The following ZNF554 variants were observed in gnomAD, a reference collection of about 807,000 sequenced individuals.
ZNF554 encodes zinc finger protein 554.
ZNF554 carries 15 observed loss-of-function variants against 21.2 expected under a neutral mutation model. The observed-to-expected ratio is 0.71, with a 90% CI of 0.47 to 1.09. ZNF554 has a LOEUF of 1.09. Ranked by LOEUF, ZNF554 falls within the 50% of genes least tolerant of loss-of-function variation. ZNF554 has a pLI of 0.00. For missense variants in ZNF554, 691 were observed against 662.7 expected, an observed-to-expected ratio of 1.04 and a Z score of -0.47; for synonymous variants, 258 against 251.4, an observed-to-expected ratio of 1.03 and a Z score of -0.25.
chr19:2,833,704 CA>C lies in ZNF554; in HGVS notation c.471del (p.Asp158ThrfsTer17), dbSNP rs1377136485. 1 of 1,528,528 alleles carries C rather than the reference CA, an allele frequency of 6.5e-7. No homozygotes were observed. The highest frequency in any genetic ancestry group is 8.8e-7 in the Non-Finnish European group (1 of 1,138,838). The allele number at this position is 1,528,528 out of a possible 1,614,324, so 94.7% of individuals were successfully genotyped here. On this transcript the variant is annotated frameshift_variant, in exon 5 of 5. Coordinates refer to ENST00000317243, the MANE Select transcript of ZNF554 (RefSeq NM_001102651.2). LOFTEE classifies it low-confidence loss of function (END_TRUNC). ...AGATTGGATGACTGTACTAAGAAAC[CA>C]AGACTCAACTTACAAGAAGGTGGCT... ...CSDWMTVLRN[Q>X]DSTYKKVALQ...
At chr19:2,828,446 A>C (rs1433553825) in intron 3 of ZNF554, among the ~76,000 whole-genome samples, 1 of 152,152 alleles carries the variant, frequency 6.6e-6, no homozygotes. Context: ...TTATCCAAGC[A>C]CTTAGGGATC....
chr19:2,822,340 C>T (rs1260848702), intron 1 of ZNF554, among the ~76,000 whole-genome samples: 1 of 152,162 alleles, frequency 6.6e-6, no homozygotes, highest in Non-Finnish European at 1.5e-5. Flanking sequence ...TATGAGCCAC[C>T]ATACCCGAGC....
Position 2,834,773 on chromosome 19 carries a change from C to G in ZNF554, c.1538C>G (p.Thr513Ser). The G allele has an allele frequency of 6.2e-7, 1 of 1,613,048 alleles. No individual in the cohort carries two copies. The highest frequency in any genetic ancestry group is 1.3e-5 in the African/African-American group (1 of 75,040). The change falls in exon 5 of 5, where the codon ACT (threonine) becomes AGT (serine). Residue 513 changes from threonine (T) to serine (S), a missense_variant. Thr to Ser is a moderately conservative substitution (Grantham distance 58, BLOSUM62 1). Transcript: ENST00000317243. ...QSSSLVTHQK[T>S]HSSQKTYKII... is the part of the protein sequence containing the mutation. ...TCATCCCTTGTCACACATCAGAAAA[C>G]TCACAGCAGCCAGAAAACCTATAAA...
At chr19:2,830,085 C>T (rs1234833937) in intron 3 of ZNF554, among the ~76,000 whole-genome samples, 1 of 152,018 alleles carries the variant, frequency 6.6e-6, no homozygotes, top group East Asian at 1.9e-4. Context: ...CCACCATGCC[C>T]GGCTAATTTT....
rs2087475770 is a variant in ZNF554, at chr19:2,834,696, T to C, written c.1461T>C (p.Thr487=). 1 of 1,613,322 alleles carries C rather than the reference T, an allele frequency of 6.2e-7. No individual in the cohort carries two copies. Among genetic ancestry groups the C allele is most frequent in the South Asian group, 1.1e-5 (1 of 91,032 alleles). ...SSLVRHERTH[T]GEKPYRCQEC... is the part of the protein sequence containing the mutation. ...TTGTGAGGCACGAGAGAACTCACAC[T>C]GGAGAGAAACCCTACAGGTGTCAGG... The change falls in exon 5 of 5, where the codon ACT becomes ACC. Residue 487 remains threonine (T), a synonymous_variant. Coordinates refer to ENST00000317243, the MANE Select transcript of ZNF554 (RefSeq NM_001102651.2).
intron 2 of ZNF554, among the ~76,000 whole-genome samples, chr19:2,827,355 A>G (rs1449883937): frequency 6.6e-6 from 1 of 152,188 alleles, no homozygotes; most frequent in Non-Finnish European, 1.5e-5. Flanking sequence ...TAGAATCACC[A>G]GTTCAATAAG....
At chr19:2,832,226 C>CA (rs2087430116) in intron 3 of ZNF554, 77 bp from the exon 4 acceptor site, 1 of 1,434,562 alleles carries the variant, frequency 7.0e-7, no homozygotes, top group Non-Finnish European at 9.4e-7. Context: ...ATGCCTGGCA[C>CA]AGATCTGTAA....
intron 3 of ZNF554, 195 bp from the exon 4 acceptor site, chr19:2,832,108 T>C (rs1395452625): frequency 2.4e-6 from 1 of 412,980 alleles, no homozygotes; most frequent in Non-Finnish European, 4.3e-6. Context: ...GTATTTTTAG[T>C]AGAGATGGGG....
rs533206215 is a variant in ZNF554, at chr19:2,829,010, A to T, written c.253+1267A>T. 3.3e-5 allele frequency among the ~76,000 whole-genome samples: 5 copies of T among 151,792 alleles called. No individual in the cohort carries two copies. In the East Asian group the frequency reaches 9.7e-4, roughly 29 times the overall value. ...CTCAACCATATCACAGAGCATTTGT[A>T]CTCTTTCTGCCAAGGTAAAGAGCCA... is the stretch of plus-strand genomic sequence containing the variant. On this transcript the variant is annotated intron_variant, in intron 3 of 4. Coordinates refer to ENST00000317243, the MANE Select transcript of ZNF554 (RefSeq NM_001102651.2).
At chr19:2,827,805 G>C in intron 3 of ZNF554, 62 bp downstream of exon 3, 3 of 1,579,648 alleles carry the variant, frequency 1.9e-6, no homozygotes, top group Non-Finnish European at 2.6e-6. Flanking sequence ...GTATTAGTCT[G>C]TTCTCACACT....
chr19:2,828,049 C>T (rs2087358997), intron 3 of ZNF554, among the ~76,000 whole-genome samples: 1 of 152,106 alleles, frequency 6.6e-6, no homozygotes, highest in East Asian at 1.9e-4. Flanking sequence ...GGAAAACCAC[C>T]TCCGCCATGA....
At chr19:2,820,779 C>A (rs747139327) in intron 1 of ZNF554, among the ~76,000 whole-genome samples, 2 of 149,928 alleles carry the variant, frequency 1.3e-5, no homozygotes, top group African/African-American at 2.5e-5. Context: ...ATTGTCCTGC[C>A]TCAGCCTCCC....
In ZNF554 at chr19:2,834,567, C is replaced by T; in HGVS notation, c.1332C>T (p.Ala444=). 1 of 1,614,044 alleles carries T rather than the reference C, an allele frequency of 6.2e-7. No homozygotes were observed. Among genetic ancestry groups the T allele is most frequent in the Non-Finnish European group, 8.5e-7 (1 of 1,180,018 alleles). ...ACGAATGCAGTGAATGTGGAAAGGC[C>T]TTCAGTGACCGTTCCTCTCTCAACC... The part of the protein sequence containing the change: ...KPYECSECGK[A]FSDRSSLNQH... Residue 444 remains alanine (A), a synonymous_variant, in exon 5 of 5, where the codon GCC becomes GCT. Transcript: ENST00000317243.
chr19:2,824,648 C>CCG (rs1412242848), intron 2 of ZNF554, among the ~76,000 whole-genome samples: 2 of 152,214 alleles, frequency 1.3e-5, no homozygotes, highest in Non-Finnish European at 2.9e-5. Context: ...ACCGTCTTAG[C>CCG]TGTTGATAAA....
Position 2,834,677 on chromosome 19 carries a change from G to C in ZNF554, c.1442G>C (p.Arg481Thr). The C allele has an allele frequency of 6.2e-7, 1 of 1,613,578 alleles. No homozygotes were observed. Among genetic ancestry groups the C allele is most frequent in the Non-Finnish European group, 8.5e-7 (1 of 1,179,842 alleles). Residue 481 changes from arginine to threonine, a missense_variant, in exon 5 of 5, where the codon AGG becomes ACG. By Grantham distance (71) the Arg-to-Thr change is moderately conservative. Transcript: ENST00000317243. Reference sequence around the variant, plus strand: ...TTCAGCCAGAGGTCTTCCCTTGTGAGGCACGAGAGAACTCACACTGGAGAG... The same window carrying C: ...TTCAGCCAGAGGTCTTCCCTTGTGACGCACGAGAGAACTCACACTGGAGAG... ...RAFSQRSSLV[R>T]HERTHTGEKP... is the part of the protein sequence containing the mutation.
intron 2 of ZNF554, among the ~76,000 whole-genome samples, chr19:2,823,549 GC>G (rs1008453666): frequency 3.3e-5 from 5 of 152,112 alleles, no homozygotes; most frequent in Admixed American, 2.6e-4. Context: ...CAGAGAGGAG[GC>G]CTAGGAGAGG....
rs1447701580 is a variant in ZNF554, at chr19:2,834,709, T to C, written c.1474T>C (p.Tyr492His). Residue 492 changes from tyrosine (Y) to histidine (H), a missense_variant, in exon 5 of 5, where the codon TAC becomes CAC. Transcript: ENST00000317243. The part of the protein sequence containing the change: ...HERTHTGEKP[Y>H]RCQECGKAFS... Reference sequence around the variant, plus strand: ...GAGAACTCACACTGGAGAGAAACCCTACAGGTGTCAGGAATGTGGGAAAGC... The same window carrying C: ...GAGAACTCACACTGGAGAGAAACCCCACAGGTGTCAGGAATGTGGGAAAGC... The C allele has an allele frequency of 1.9e-6, 3 of 1,613,970 alleles. No individual in the cohort carries two copies. Among genetic ancestry groups the C allele is most frequent in the Non-Finnish European group, 2.5e-6 (3 of 1,180,000 alleles).
At position 2,836,113 on chromosome 19, in the gene ZNF554, AGGTGTGAGCCACCGTGCTGGTATTACG is replaced by A. The variant is rs1239710077; in HGVS notation, c.*1274_*1300del. On this transcript the variant is annotated 3_prime_UTR_variant, in exon 5 of 5. Transcript: ENST00000317243. ...TGGCCTCCCAAAGTGCTGGTATTAC[AGGTGTGAGCCACCGTGCTGGTATTACG>A]GGTGTGAGCCACTGTGCTGGGATTA... is the stretch of plus-strand genomic sequence containing the variant. Among the ~76,000 whole-genome samples the A allele has an allele frequency of 1.4e-4, 21 of 151,806 alleles. No homozygotes were observed. The highest frequency in any genetic ancestry group is 5.1e-4 in the African/African-American group (21 of 41,320).
chr19:2,833,783 A>T lies in ZNF554; in HGVS notation c.548A>T (p.Asp183Val). The change falls in exon 5 of 5, where the codon GAT (aspartate) becomes GTT (valine). Residue 183 changes from aspartate (D) to valine (V), a missense_variant. Coordinates refer to ENST00000317243, the MANE Select transcript of ZNF554 (RefSeq NM_001102651.2). ...GINMIKLIRE[D>V]GGWKQLEDSH... is the part of the protein sequence containing the mutation. ...AATATGATAAAGCTTATCAGAGAAG[A>T]TGGGGGATGGAAGCAGTTAGAGGAC... The T allele has an allele frequency of 1.2e-6, 2 of 1,609,102 alleles. No homozygotes were observed. The highest frequency in any genetic ancestry group is 1.7e-6 in the Non-Finnish European group (2 of 1,178,176).
Sources: allele counts gnomAD v4.1 joint callset (sites outside exome capture counted in the v4.1 genomes callset), GRCh38; gene constraint gnomAD v4.1.1; transcripts MANE v1.5; gene names NCBI Gene and HGNC (gene_info 2026-07-23, HGNC 2026-07-21).